Variants in ARL15 observed in about 807,000 individuals in gnomAD.
ARL15 encodes ADP-ribosylation factor-like protein 15.
Under a neutral mutation model 25.2 loss-of-function variants are expected in ARL15, and 19 were observed. The ratio of observed to expected loss-of-function variants is 0.75; its 90% CI spans 0.53 to 1.10. The LOEUF (loss-of-function observed/expected upper bound fraction) is 1.10. Among genes scored for constraint, ARL15 ranks in the 50% least tolerant of loss-of-function variants. The pLI, the probability that ARL15 is intolerant of heterozygous loss-of-function variation, is 0.00. For missense variants in ARL15, 220 were observed against 246.0 expected (o/e 0.89, Z 0.71); for synonymous variants, 94 against 86.8 (o/e 1.08, Z -0.46).
chr5:54,147,128 T>C (rs1753934576), intron 3 of ARL15, among the ~76,000 whole-genome samples: 1 of 152,158 alleles, frequency 6.6e-6, no homozygotes. Context: ...TCCCCTAGTA[T>C]AGGCTAAGCC....
intron 4 of ARL15, among the ~76,000 whole-genome samples, chr5:53,891,757 G>A (rs1744716384): frequency 6.6e-6 from 1 of 152,136 alleles, no homozygotes; most frequent in Non-Finnish European, 1.5e-5. Flanking sequence ...GGTGGGGTCA[G>A]GATCTATCTA....
intron 4 of ARL15, among the ~76,000 whole-genome samples, chr5:54,038,774 T>TAAGGG (rs1417483316): frequency 2.0e-5 from 3 of 152,138 alleles, no homozygotes. Flanking sequence ...GACAATCAAA[T>TAAGGG]ACTAAGACAT....
chr5:53,886,672 T>C lies in ARL15; in HGVS notation c.504A>G (p.Lys168=). Reference sequence around the variant, plus strand: ...GTGAGCAGGGCTGTAGAATCCAGCGTTTTCCACGTGCAAGTGGTTCAAGTT... The same window carrying C: ...GTGAGCAGGGCTGTAGAATCCAGCGCTTTCCACGTGCAAGTGGTTCAAGTT... ...YFELEPLARG[K]RWILQPCSLD... is the part of the protein sequence containing the mutation. Residue 168 remains lysine (K), a synonymous_variant, in exon 5 of 5, where the codon AAA becomes AAG. Coordinates refer to ENST00000504924, the MANE Select transcript of ARL15 (RefSeq NM_019087.3). 2 of 1,575,634 alleles carry C rather than the reference T, an allele frequency of 1.3e-6. No homozygotes were observed. The highest frequency in any genetic ancestry group is 8.6e-7 in the Non-Finnish European group (1 of 1,159,410).
At chr5:54,169,293 G>A (rs1407831488) in intron 2 of ARL15, among the ~76,000 whole-genome samples, 5 of 152,178 alleles carry the variant, frequency 3.3e-5, no homozygotes, top group African/African-American at 1.2e-4. Flanking sequence ...AAGCTATTTT[G>A]ATTGAAAAGA....
At chr5:53,983,952 A>G (rs1348182230) in intron 4 of ARL15, among the ~76,000 whole-genome samples, 1 of 152,146 alleles carries the variant, frequency 6.6e-6, no homozygotes, top group Non-Finnish European at 1.5e-5. Context: ...CCAAGCTTCC[A>G]TTTATGCTCT....
At chr5:54,039,790 A>G (rs1476994942) in intron 4 of ARL15, among the ~76,000 whole-genome samples, 2 of 133,652 alleles carry the variant, frequency 1.5e-5, no homozygotes, top group African/African-American at 5.7e-5. Flanking sequence ...CAACAGAGCA[A>G]GACTCTGTCT....
chr5:53,956,078 C>A (rs898374183), intron 4 of ARL15, among the ~76,000 whole-genome samples: 1 of 152,076 alleles, frequency 6.6e-6, no homozygotes, highest in Non-Finnish European at 1.5e-5. Context: ...CACATACCCA[C>A]AGCATGATAT....
chr5:54,142,265 T>G (rs1034311958), intron 3 of ARL15, among the ~76,000 whole-genome samples: 3 of 152,176 alleles, frequency 2.0e-5, no homozygotes, highest in African/African-American at 7.2e-5. Context: ...GACATCAGCT[T>G]TGGCCAGAAT....
chr5:54,001,599 A>G (rs1748851247), intron 4 of ARL15, among the ~76,000 whole-genome samples: 1 of 152,212 alleles, frequency 6.6e-6, no homozygotes, highest in East Asian at 1.9e-4. Context: ...TTTGTTTTTA[A>G]GGGCTTTATT....
intron 4 of ARL15, among the ~76,000 whole-genome samples, chr5:54,106,665 T>C (rs1752598090): frequency 6.6e-6 from 1 of 152,156 alleles, no homozygotes; most frequent in Non-Finnish European, 1.5e-5. Context: ...ACTATACGTG[T>C]TGAATTCAGA....
At chr5:54,055,830 T>C (rs1363907947) in intron 4 of ARL15, among the ~76,000 whole-genome samples, 6 of 152,130 alleles carry the variant, frequency 3.9e-5, no homozygotes, top group African/African-American at 1.2e-4. Context: ...CACTGAAATA[T>C]TATTACACTT....
chr5:54,187,962 G>T (rs1320659234), intron 1 of ARL15, among the ~76,000 whole-genome samples: 5 of 151,996 alleles, frequency 3.3e-5, no homozygotes, highest in Non-Finnish European at 7.4e-5. Context: ...AACTCCTTAA[G>T]GATGTGTGAC....
At chr5:54,011,886 G>A (rs1053950388) in intron 4 of ARL15, among the ~76,000 whole-genome samples, 9 of 152,244 alleles carry the variant, frequency 5.9e-5, no homozygotes, top group African/African-American at 2.2e-4. Context: ...GCACGCACCT[G>A]TAGTCCCAGC....
chr5:54,310,271 C>T (rs1339931301), intron 1 of ARL15, 161 bp downstream of exon 1: 3 of 781,164 alleles, frequency 3.8e-6, no homozygotes, highest in East Asian at 2.8e-5. Flanking sequence ...GAGGCTGCCC[C>T]TCCGAGTCCA....
intron 2 of ARL15, among the ~76,000 whole-genome samples, chr5:54,171,058 T>G (rs1352573378): frequency 2.6e-5 from 4 of 152,170 alleles, no homozygotes; most frequent in Non-Finnish European, 4.4e-5. Context: ...GAGGACACAT[T>G]TGGGAAGTGA....
chr5:54,267,399 G>T (rs1248717777), intron 1 of ARL15, among the ~76,000 whole-genome samples: 1 of 152,090 alleles, frequency 6.6e-6, no homozygotes, highest in Non-Finnish European at 1.5e-5. Context: ...CCAGAGCTCT[G>T]TTTTAAAGCA....
intron 4 of ARL15, among the ~76,000 whole-genome samples, chr5:54,045,975 T>G (rs1750497259): frequency 6.6e-6 from 1 of 152,256 alleles, no homozygotes. Flanking sequence ...GGAAGGGTAC[T>G]TATTAGAATA....
At chr5:54,044,930 C>G (rs1392305061) in intron 4 of ARL15, among the ~76,000 whole-genome samples, 1 of 152,116 alleles carries the variant, frequency 6.6e-6, no homozygotes, top group African/African-American at 2.4e-5. Flanking sequence ...TTTTAAAATG[C>G]ACCTCTCTGG....
chr5:54,038,180 T>C (rs1750230143), intron 4 of ARL15, among the ~76,000 whole-genome samples: 1 of 152,134 alleles, frequency 6.6e-6, no homozygotes, highest in Admixed American at 6.5e-5. Flanking sequence ...AAAAAGTTTT[T>C]GCTTATTTAT....
Sources: gnomAD v4.1 joint callset for allele counts (sites outside exome capture counted in the v4.1 genomes callset) on GRCh38, gnomAD v4.1.1 for gene constraint, MANE v1.5 for transcripts, NCBI Gene and HGNC (gene_info 2026-07-23, HGNC 2026-07-21) for gene names.